Variants in PEAK1 observed in about 807,000 individuals in gnomAD.
The protein encoded by PEAK1 is inactive tyrosine-protein kinase PEAK1.
A neutral mutation model predicts 124.7 loss-of-function variants in PEAK1; 54 were observed. That is an observed-to-expected ratio of 0.43 (90% CI 0.35 to 0.54). PEAK1 has a LOEUF of 0.54. PEAK1 is among the 20% of genes least tolerant of loss of function. The pLI, the probability that PEAK1 is intolerant of heterozygous loss-of-function variation, is 0.01. For synonymous variants in PEAK1, 719 were observed against 760.0 expected, an observed-to-expected ratio of 0.95 and a Z score of 0.89; for missense variants, 2,046 against 2,134.5, an observed-to-expected ratio of 0.96 and a Z score of 0.82.
At chr15:77,406,204 A>T (rs2071803433) in intron 1 of PEAK1, among the ~76,000 whole-genome samples, 2 of 152,180 alleles carry the variant, frequency 1.3e-5, no homozygotes, top group African/African-American at 4.8e-5. Flanking sequence ...TGAAGTCTTT[A>T]GTTTTGAGGT....
At position 77,398,642 on chromosome 15, in the gene PEAK1, G is replaced by A. The variant is rs12595256; in HGVS notation, c.-666+21364C>T. Among the ~76,000 whole-genome samples the A allele has an allele frequency of 1.1e-3, 161 of 152,164 alleles. 2 individuals are homozygous for A. In the East Asian group the frequency reaches 0.027, roughly 26 times the overall value. On this transcript the variant is annotated intron_variant, in intron 1 of 9. Transcript: ENST00000682557. ...CAACACAATAAAAGCCATATATGAC[G>A]GAACCGCAGCTAGTATCATACTGAA...
At chr15:77,264,486 A>C (rs1041016099) in intron 5 of PEAK1, among the ~76,000 whole-genome samples, 4 of 152,208 alleles carry the variant, frequency 2.6e-5, no homozygotes, top group African/African-American at 4.8e-5. Context: ...CCAAATCATG[A>C]GTGAACTCCC....
rs140716585 is a variant in PEAK1, at chr15:77,260,114, C to T, written c.-274-7588G>A. Among the ~76,000 whole-genome samples the T allele has an allele frequency of 8.5e-5, 13 of 152,126 alleles. No individual in the cohort carries two copies. In the East Asian group the frequency reaches 1.4e-3, roughly 16 times the overall value. On this transcript the variant is annotated intron_variant, in intron 5 of 9. Transcript: ENST00000682557. Reference sequence around the variant, plus strand: ...ACCAAGAATTCAACAAGCTCCCTTCCGCAAGAAGAGAGAAACCCAAATATA... The same window carrying T: ...ACCAAGAATTCAACAAGCTCCCTTCTGCAAGAAGAGAGAAACCCAAATATA...
At chr15:77,140,720 T>C (rs900637100) in intron 8 of PEAK1, among the ~76,000 whole-genome samples, 1 of 151,952 alleles carries the variant, frequency 6.6e-6, no homozygotes, top group Non-Finnish European at 1.5e-5. Flanking sequence ...ATTTCTTTTT[T>C]TTTCTTTTTC....
At chr15:77,283,764 C>T (rs886146624) in intron 5 of PEAK1, 119 bp downstream of exon 5, 2 of 292,570 alleles carry the variant, frequency 6.8e-6, no homozygotes, top group East Asian at 1.7e-4. Context: ...GTCAGGATAA[C>T]GTATGTGGTT....
At chr15:77,348,465 G>A (rs2067007439) in intron 2 of PEAK1, 3 of 952,116 alleles carry the variant, frequency 3.2e-6, no homozygotes, top group Non-Finnish European at 3.8e-6. Flanking sequence ...ATAATAGGTT[G>A]TAAAAGCTAA....
chr15:77,314,011 T>G (rs2064707895), intron 2 of PEAK1, among the ~76,000 whole-genome samples: 1 of 152,130 alleles, frequency 6.6e-6, no homozygotes, highest in African/African-American at 2.4e-5. Context: ...ATGCTGACAG[T>G]ATATACCCTT....
chr15:77,102,157 T>A (rs932005961), exon 7 of PEAK1: 2 of 151,874 alleles, frequency 1.3e-5, no homozygotes, highest in East Asian at 1.9e-4. Flanking sequence ...GCTGTTAAAA[T>A]TTTTTTTTAG....
chr15:77,367,583 T>C (rs958127845), intron 1 of PEAK1, among the ~76,000 whole-genome samples: 1 of 152,220 alleles, frequency 6.6e-6, no homozygotes, highest in Non-Finnish European at 1.5e-5. Context: ...ATCTGTTGGG[T>C]AATTTGAAAT....
At chr15:77,146,382 CAAAT>C (rs1255294300) in intron 8 of PEAK1, among the ~76,000 whole-genome samples, 4 of 152,138 alleles carry the variant, frequency 2.6e-5, no homozygotes, top group Admixed American at 2.0e-4. Context: ...GGTTTAGCCT[CAAAT>C]AAACAGATAT....
intron 2 of PEAK1, chr15:77,335,926 G>C: frequency 2.0e-6 from 2 of 985,328 alleles, no homozygotes; most frequent in Non-Finnish European, 2.4e-6. Context: ...GCCACAATAA[G>C]AACACCTATC....
At chr15:77,118,299 C>T (rs1566989218) in intron 9 of PEAK1, among the ~76,000 whole-genome samples, 1 of 152,046 alleles carries the variant, frequency 6.6e-6, no homozygotes, top group Non-Finnish European at 1.5e-5. Context: ...TAGGATTTTG[C>T]TTGATGGGTA....
intron 6 of PEAK1, among the ~76,000 whole-genome samples, chr15:77,199,121 C>G (rs2058241895): frequency 6.6e-6 from 1 of 152,172 alleles, no homozygotes; most frequent in Non-Finnish European, 1.5e-5. Context: ...ATCCCCAAGT[C>G]TTGAAGAGAA....
At position 77,115,061 on chromosome 15, in the gene PEAK1, C is replaced by T. The variant is rs200380020; in HGVS notation, c.4336G>A (p.Glu1446Lys). 37 of 1,614,040 alleles carry T rather than the reference C, an allele frequency of 2.3e-5. No homozygotes were observed. The African/African-American group carries it at 4.4e-4, about 19-fold the overall frequency. ...TTCTTGCTCATGACTCCCTGATTCT[C>T]TTTCTGGGATGATGCTGCTTCAGAA... ...PCSEAASSQKENQGVMSKKQR... is the reference protein window; with the variant it reads ...PCSEAASSQKKNQGVMSKKQR... The change falls in exon 10 of 10, where the codon GAG becomes AAG. Residue 1446 changes from glutamate to lysine, a missense_variant. Coordinates refer to ENST00000682557, the MANE Select transcript of PEAK1 (RefSeq NM_001385026.1).
intron 6 of PEAK1, among the ~76,000 whole-genome samples, chr15:77,240,597 A>G (rs1031705829): frequency 1.3e-5 from 2 of 149,752 alleles, no homozygotes; most frequent in Non-Finnish European, 3.0e-5. Flanking sequence ...CCCTGTCTCA[A>G]AAAAAAAAAG....
chr15:77,270,020 ACTGTGGT>A (rs1379378379), intron 5 of PEAK1, among the ~76,000 whole-genome samples: 2 of 152,190 alleles, frequency 1.3e-5, no homozygotes, highest in Non-Finnish European at 2.9e-5. Context: ...GTTTGATTGC[ACTGTGGT>A]CTGAGAGATA....
chr15:77,347,586 C>T (rs578183670), intron 2 of PEAK1: 10 of 985,356 alleles, frequency 1.0e-5, no homozygotes, highest in East Asian at 1.1e-4. Flanking sequence ...TGTCCTAATA[C>T]TTGTTTGACC....
At chr15:77,161,417 G>C (rs1274946518) in intron 7 of PEAK1, among the ~76,000 whole-genome samples, 2 of 152,170 alleles carry the variant, frequency 1.3e-5, no homozygotes, top group East Asian at 3.9e-4. Flanking sequence ...CTATATTCCA[G>C]ATAAAGATTG....
At chr15:77,328,624 G>C (rs1267396651) in intron 2 of PEAK1, among the ~76,000 whole-genome samples, 2 of 152,170 alleles carry the variant, frequency 1.3e-5, no homozygotes. Flanking sequence ...TGAGGAAACT[G>C]AGGCTCTCAC....
Sources: gnomAD v4.1 joint callset for allele counts (sites outside exome capture counted in the v4.1 genomes callset) on GRCh38, gnomAD v4.1.1 for gene constraint, MANE v1.5 for transcripts, NCBI Gene and HGNC (gene_info 2026-07-23, HGNC 2026-07-21) for gene names.